The following DNAH8 variants were observed in gnomAD, a reference collection of about 807,000 sequenced individuals.
The protein encoded by DNAH8 is dynein axonemal heavy chain 8.
DNAH8 carries 382 observed loss-of-function variants against 562.1 expected under a neutral mutation model. The ratio of observed to expected loss-of-function variants is 0.68; its 90% CI spans 0.63 to 0.74. The LOEUF (loss-of-function observed/expected upper bound fraction) is 0.74, where lower values mean the gene tolerates loss of function less well. Ranked by LOEUF, DNAH8 falls within the 30% of genes least tolerant of loss-of-function variation. DNAH8 has a pLI of 0.00. For synonymous variants in DNAH8, 1,881 were observed against 1,919.4 expected, an observed-to-expected ratio of 0.98 and a Z score of 0.52; for missense variants, 5,203 against 5,620.4, an observed-to-expected ratio of 0.93 and a Z score of 2.37.
chr6:38,917,171 A>G, intron 68 of DNAH8, 68 bp from the exon 69 acceptor site: 3 of 1,130,676 alleles, frequency 2.7e-6, no homozygotes, highest in Non-Finnish European at 3.6e-6. Context: ...ATTGAAAAGT[A>G]TTAGATTTCC....
intron 38 of DNAH8, among the ~76,000 whole-genome samples, chr6:38,850,777 G>A (rs985646503): frequency 2.0e-5 from 3 of 152,146 alleles, no homozygotes; most frequent in African/African-American, 7.2e-5. Context: ...GGCTCTAGGA[G>A]TTTCTTGGTT....
intron 71 of DNAH8, among the ~76,000 whole-genome samples, chr6:38,922,113 G>A (rs921499679): frequency 8.6e-5 from 13 of 151,418 alleles, no homozygotes; most frequent in African/African-American, 2.4e-4. Context: ...ATCTGGATGT[G>A]TACATGCAGG....
At chr6:38,962,683 A>T (rs1356028821) in intron 82 of DNAH8, among the ~76,000 whole-genome samples, 4 of 152,218 alleles carry the variant, frequency 2.6e-5, no homozygotes, top group Admixed American at 2.6e-4. Context: ...GAATATATTC[A>T]ATTAGTTATA....
chr6:38,845,859 C>T, intron 36 of DNAH8, 86 bp downstream of exon 36: 1 of 1,119,864 alleles, frequency 8.9e-7, no homozygotes, highest in East Asian at 2.4e-5. Context: ...AAAGCTCTTT[C>T]ATTGGATGGA....
At chr6:38,885,172 G>A (rs923906406) in intron 56 of DNAH8, among the ~76,000 whole-genome samples, 3 of 152,164 alleles carry the variant, frequency 2.0e-5, no homozygotes, top group Admixed American at 6.5e-5. Context: ...AAGCTGAAGC[G>A]CTCCTGAATT....
At chr6:38,910,632 A>T (rs115103248) in intron 65 of DNAH8, among the ~76,000 whole-genome samples, 1 of 152,154 alleles carries the variant, frequency 6.6e-6, no homozygotes. Context: ...ACCTTTGTGC[A>T]GCTACAAAAA....
intron 62 of DNAH8, among the ~76,000 whole-genome samples, chr6:38,902,818 A>G (rs1249583293): frequency 2.6e-5 from 4 of 152,204 alleles, no homozygotes; most frequent in African/African-American, 9.7e-5. Context: ...GAAGAGGAGG[A>G]AAGAACAGGA....
chr6:38,740,229 A>G (rs1460008964), intron 7 of DNAH8, among the ~76,000 whole-genome samples: 1 of 152,234 alleles, frequency 6.6e-6, no homozygotes. Flanking sequence ...TTTTTAAAGT[A>G]TCATGAAAAA....
At chr6:38,922,348 T>G (rs1221041031) in intron 71 of DNAH8, among the ~76,000 whole-genome samples, 1 of 151,892 alleles carries the variant, frequency 6.6e-6, no homozygotes, top group Non-Finnish European at 1.5e-5. Context: ...CACTGGCAAT[T>G]TTAAACTCCA....
intron 71 of DNAH8, among the ~76,000 whole-genome samples, chr6:38,922,459 A>G (rs1781784848): frequency 6.6e-6 from 1 of 152,182 alleles, no homozygotes; most frequent in African/African-American, 2.4e-5. Context: ...CCTCAAAACC[A>G]TAGATAATAT....
chr6:39,010,805 A>AC (rs1766151337), intron 89 of DNAH8, among the ~76,000 whole-genome samples: 1 of 143,042 alleles, frequency 7.0e-6, no homozygotes, highest in Non-Finnish European at 1.5e-5. Flanking sequence ...GTGTACGCAC[A>AC]CACACACACA....
chr6:38,973,916 G>C lies in DNAH8; in HGVS notation c.12678+103G>C, dbSNP rs979489744. 3 of 811,824 alleles carry C rather than the reference G, an allele frequency of 3.7e-6. No homozygotes were observed. In the African/African-American group the frequency reaches 5.3e-5, roughly 14 times the overall value. The allele number at this position is 811,824 out of a possible 1,614,324, so 50.3% of individuals were successfully genotyped here. A position where few individuals can be genotyped will look rare whatever the true frequency, so the allele number is the denominator to read the frequency against. The stretch of plus-strand genomic sequence containing the variant: ...ACAACAGGGCTTTTTGGTCCTGTAG[G>C]GTCTGGACTGCAAGATCTTATACTA... On this transcript the variant is annotated intron_variant, in intron 84 of 92. Coordinates refer to ENST00000327475, the MANE Select transcript of DNAH8 (RefSeq NM_001206927.2).
At position 38,808,678 on chromosome 6, in the gene DNAH8, T is replaced by C. The variant is rs1012138630; in HGVS notation, c.3257+962T>C. 2.0e-5 allele frequency among the ~76,000 whole-genome samples: 3 copies of C among 152,152 alleles called. No homozygotes were observed. In the South Asian group the frequency reaches 6.2e-4, roughly 32 times the overall value. ...TGGCAATGTTCACAATAGCAAAGGC[T>C]TAGAAGCAACCCAAATGCCCATCAG... On this transcript the variant is annotated intron_variant, in intron 24 of 92. Transcript: ENST00000327475.
chr6:38,896,260 A>G, intron 60 of DNAH8, 35 bp downstream of exon 60: 1 of 1,536,842 alleles, frequency 6.5e-7, no homozygotes, highest in Non-Finnish European at 9.0e-7. Context: ...AGGTTTTCAG[A>G]TTGCTCACCT....
At chr6:38,761,267 C>A (rs1356885449) in intron 10 of DNAH8, among the ~76,000 whole-genome samples, 1 of 98,424 alleles carries the variant, frequency 1.0e-5, no homozygotes, top group African/African-American at 3.9e-5. Context: ...CCCCTCCCCC[C>A]ACCCCACAAC....
intron 92 of DNAH8, among the ~76,000 whole-genome samples, chr6:39,029,242 G>C (rs1767507516): frequency 6.6e-6 from 1 of 152,076 alleles, no homozygotes; most frequent in Admixed American, 6.6e-5. Flanking sequence ...TTTCTTTGTA[G>C]TGTTACTTCT....
At chr6:38,845,347 T>A (rs183772500) in intron 35 of DNAH8, among the ~76,000 whole-genome samples, 2 of 152,218 alleles carry the variant, frequency 1.3e-5, no homozygotes, top group Non-Finnish European at 2.9e-5. Context: ...GTTTCATGTA[T>A]GTGGTACAGA....
intron 85 of DNAH8, 78 bp downstream of exon 85, chr6:38,974,607 G>T: frequency 2.4e-6 from 3 of 1,234,344 alleles, no homozygotes; most frequent in Middle Eastern, 2.0e-4. Context: ...GCTTCCAGGA[G>T]GGTGCTATCC....
intron 17 of DNAH8, among the ~76,000 whole-genome samples, chr6:38,786,502 A>G (rs1769172304): frequency 6.6e-6 from 1 of 152,210 alleles, no homozygotes; most frequent in Non-Finnish European, 1.5e-5. Context: ...AAATATTGCA[A>G]TTCATAGCAC....
Sources: gnomAD v4.1 joint callset for allele counts (sites outside exome capture counted in the v4.1 genomes callset) on GRCh38, gnomAD v4.1.1 for gene constraint, MANE v1.5 for transcripts, NCBI Gene and HGNC (gene_info 2026-07-23, HGNC 2026-07-21) for gene names.